BABAM2: variants seen among roughly 807,000 people sequenced by gnomAD.
BABAM2 encodes the protein BRISC and BRCA1 A complex member 2, also known as BRISC and BRCA1-A complex member 2.
A neutral mutation model predicts 54.7 loss-of-function variants in BABAM2; 31 were observed. That is an observed-to-expected ratio of 0.57 (90% CI 0.43 to 0.77). The LOEUF is 0.77. Among genes scored for constraint, BABAM2 ranks in the 30% least tolerant of loss-of-function variants. The pLI is 0.00. For synonymous variants in BABAM2, 167 were observed against 162.9 expected, an observed-to-expected ratio of 1.03 and a Z score of -0.19; for missense variants, 364 against 455.8, an observed-to-expected ratio of 0.80 and a Z score of 1.83.
chr2:28,211,460 G>A (rs556964531), intron 7 of BABAM2, among the ~76,000 whole-genome samples: 2 of 133,332 alleles, frequency 1.5e-5, no homozygotes, highest in East Asian at 2.5e-4. Context: ...TGATCTCGGC[G>A]CACTGCAACT....
intron 7 of BABAM2, among the ~76,000 whole-genome samples, chr2:28,142,131 T>A (rs1264774987): frequency 6.6e-6 from 1 of 152,166 alleles, no homozygotes; most frequent in East Asian, 1.9e-4. Context: ...AAAGAGCATA[T>A]AATTTGATCC....
intron 10 of BABAM2, 60 bp downstream of exon 10, chr2:28,244,922 G>T (rs948550779): frequency 3.6e-6 from 5 of 1,408,100 alleles, no homozygotes; most frequent in Non-Finnish European, 5.0e-6. Context: ...TAAACCACAT[G>T]TAATAATCAG....
At chr2:28,027,018 C>T (rs1200831321) in intron 5 of BABAM2, among the ~76,000 whole-genome samples, 1 of 107,618 alleles carries the variant, frequency 9.3e-6, no homozygotes, top group South Asian at 2.8e-4. Context: ...ATAAAAGAAA[C>T]CCCAAAAAAA....
At chr2:28,108,243 G>A (rs1019476603) in intron 6 of BABAM2, among the ~76,000 whole-genome samples, 2 of 152,076 alleles carry the variant, frequency 1.3e-5, no homozygotes, top group Non-Finnish European at 2.9e-5. Flanking sequence ...TATCTTAATT[G>A]CATTCTTTCT....
At chr2:27,939,807 G>T (rs988545663) in intron 3 of BABAM2, among the ~76,000 whole-genome samples, 2 of 152,156 alleles carry the variant, frequency 1.3e-5, no homozygotes, top group Non-Finnish European at 2.9e-5. Flanking sequence ...AAAGGAAACT[G>T]CAGTTAATGA....
intron 3 of BABAM2, among the ~76,000 whole-genome samples, chr2:27,961,125 C>T (rs1313952237): frequency 6.6e-6 from 1 of 152,080 alleles, no homozygotes; most frequent in Non-Finnish European, 1.5e-5. Context: ...CAGAAATCAC[C>T]TGCAGAAATT....
chr2:28,293,625 A>G (rs1005145644), intron 10 of BABAM2, among the ~76,000 whole-genome samples: 1 of 152,220 alleles, frequency 6.6e-6, no homozygotes, highest in African/African-American at 2.4e-5. Flanking sequence ...CCAGGGCTTC[A>G]GAGCCTTGTG....
chr2:28,286,019 A>G (rs1686768533), intron 10 of BABAM2, among the ~76,000 whole-genome samples: 1 of 150,604 alleles, frequency 6.6e-6, no homozygotes, highest in Admixed American at 6.6e-5. Flanking sequence ...GCAGTGGTAC[A>G]ATCTCGGCTC....
chr2:28,126,881 C>A (rs1433668301), intron 6 of BABAM2, among the ~76,000 whole-genome samples: 2 of 147,192 alleles, frequency 1.4e-5, no homozygotes, highest in African/African-American at 2.5e-5. Context: ...ATTTGCATTT[C>A]TCTGATGGCC....
chr2:28,298,596 T>A (rs928756283), intron 11 of BABAM2, 105 bp downstream of exon 11: 7 of 1,375,228 alleles, frequency 5.1e-6, no homozygotes, highest in Non-Finnish European at 6.9e-6. Flanking sequence ...CTGTGCATGT[T>A]TTTGTAAATA....
chr2:27,893,213 G>A (rs2148252173), intron 1 of BABAM2, among the ~76,000 whole-genome samples: 1 of 152,278 alleles, frequency 6.6e-6, no homozygotes, highest in Admixed American at 6.5e-5. Flanking sequence ...TCTGAAGGAA[G>A]AGGCTTTCAT....
intron 6 of BABAM2, among the ~76,000 whole-genome samples, chr2:28,120,729 A>G (rs116301666): frequency 0.014 from 2,080 of 152,322 alleles, 42 homozygotes; most frequent in African/African-American, 0.047. Flanking sequence ...TTGGAATATA[A>G]AATATATATT....
chr2:27,961,849 T>C (rs564411246), intron 3 of BABAM2, among the ~76,000 whole-genome samples: 14 of 149,556 alleles, frequency 9.4e-5, no homozygotes, highest in Admixed American at 6.0e-4. Flanking sequence ...CATCTCAGCC[T>C]CCTGAGTAGC....
At chr2:27,989,766 G>A (rs1386981370) in intron 4 of BABAM2, among the ~76,000 whole-genome samples, 11 of 151,912 alleles carry the variant, frequency 7.2e-5, no homozygotes, top group Non-Finnish European at 1.6e-4. Context: ...ACAGCATAAT[G>A]GAAAGAATAA....
At chr2:28,239,678 G>C (rs1682234619) in intron 8 of BABAM2, among the ~76,000 whole-genome samples, 1 of 152,174 alleles carries the variant, frequency 6.6e-6, no homozygotes, top group African/African-American at 2.4e-5. Flanking sequence ...CATTTGATGA[G>C]AGAAAGCTCT....
intron 11 of BABAM2, among the ~76,000 whole-genome samples, chr2:28,336,920 C>T (rs113643558): frequency 6.6e-6 from 1 of 152,214 alleles, no homozygotes; most frequent in Non-Finnish European, 1.5e-5. Context: ...TGCCTCCTAC[C>T]CTTGGGTTAG....
intron 7 of BABAM2, among the ~76,000 whole-genome samples, chr2:28,186,808 AT>A (rs34747084): frequency 0.54 from 77,959 of 143,988 alleles, 21,162 homozygotes; most frequent in Middle Eastern, 0.66. Flanking sequence ...GGAATTCAAC[AT>A]TTTTTTTTTT....
intron 7 of BABAM2, among the ~76,000 whole-genome samples, chr2:28,202,261 T>G (rs1448715293): frequency 3.3e-5 from 5 of 152,166 alleles, no homozygotes. Context: ...TTCCTAATGT[T>G]GGATTATTTT....
intron 10 of BABAM2, among the ~76,000 whole-genome samples, chr2:28,264,001 A>C (rs980983468): frequency 1.3e-5 from 2 of 152,234 alleles, no homozygotes; most frequent in Non-Finnish European, 2.9e-5. Context: ...GATTGAGGCC[A>C]GAGAACTAGC....
Sources: allele counts gnomAD v4.1 joint callset (sites outside exome capture counted in the v4.1 genomes callset), GRCh38; gene constraint gnomAD v4.1.1; transcripts MANE v1.5; gene names NCBI Gene and HGNC (gene_info 2026-07-23, HGNC 2026-07-21).